TBL1XR1: variants seen among roughly 807,000 people sequenced by gnomAD.
TBL1XR1 encodes F-box-like/WD repeat-containing protein TBL1XR1.
TBL1XR1 carries 5 observed loss-of-function variants against 66.9 expected under a neutral mutation model. The ratio of observed to expected loss-of-function variants is 0.07; its 90% CI spans 0.04 to 0.16. The LOEUF (loss-of-function observed/expected upper bound fraction) is 0.16. Among genes scored for constraint, TBL1XR1 ranks in the 10% least tolerant of loss-of-function variants. TBL1XR1 has a pLI of 1.00. For synonymous variants in TBL1XR1, 210 were observed against 206.0 expected, an observed-to-expected ratio of 1.02 and a Z score of -0.17; for missense variants, 238 against 623.2, an observed-to-expected ratio of 0.38 and a Z score of 6.58.
intron 3 of TBL1XR1, among the ~76,000 whole-genome samples, chr3:177,054,447 G>T (rs955447213): frequency 3.3e-5 from 5 of 152,096 alleles, no homozygotes; most frequent in African/African-American, 1.2e-4. Context: ...CTTTAAATAG[G>T]AATTCATTCA....
chr3:177,036,929 CATTT>C (rs1455460022), intron 12 of TBL1XR1, among the ~76,000 whole-genome samples: 1 of 152,170 alleles, frequency 6.6e-6, no homozygotes, highest in Non-Finnish European at 1.5e-5. Context: ...CTCAAAGCTT[CATTT>C]ATTTTGGAAA....
At chr3:177,160,315 A>T (rs112179132) in intron 1 of TBL1XR1, among the ~76,000 whole-genome samples, 6 of 151,992 alleles carry the variant, frequency 3.9e-5, no homozygotes, top group African/African-American at 1.5e-4. Context: ...TCTACTAAAA[A>T]TACAAAAAAT....
intron 2 of TBL1XR1, among the ~76,000 whole-genome samples, chr3:177,070,754 G>C (rs1719869935): frequency 6.6e-6 from 1 of 151,964 alleles, no homozygotes; most frequent in African/African-American, 2.4e-5. Flanking sequence ...GCTGAGATGG[G>C]AGAATCGCTT....
chr3:177,034,035 A>G (rs540239442), intron 13 of TBL1XR1, among the ~76,000 whole-genome samples, 163 bp downstream of exon 13: 17 of 151,960 alleles, frequency 1.1e-4, no homozygotes, highest in African/African-American at 4.1e-4. Flanking sequence ...TAAAGAATTT[A>G]TTCTTGTAGC....
At chr3:177,133,774 C>T (rs1396798103) in intron 1 of TBL1XR1, among the ~76,000 whole-genome samples, 6 of 149,670 alleles carry the variant, frequency 4.0e-5, no homozygotes, top group Admixed American at 2.7e-4. Flanking sequence ...TGGTGGCACA[C>T]ACCTGTAAGC....
intron 1 of TBL1XR1, among the ~76,000 whole-genome samples, chr3:177,195,282 C>A (rs1486166625): frequency 6.6e-6 from 1 of 151,988 alleles, no homozygotes; most frequent in Non-Finnish European, 1.5e-5. Context: ...TGCTCTCAGG[C>A]ATACTTTCTT....
At chr3:177,046,898 A>G (rs1716403581) in intron 9 of TBL1XR1, among the ~76,000 whole-genome samples, 1 of 152,164 alleles carries the variant, frequency 6.6e-6, no homozygotes, top group Admixed American at 6.6e-5. Context: ...TTAGACAAAG[A>G]AGGCTAGACA....
chr3:177,111,399 A>G (rs1339272278), intron 1 of TBL1XR1, among the ~76,000 whole-genome samples: 1 of 151,836 alleles, frequency 6.6e-6, no homozygotes, highest in Non-Finnish European at 1.5e-5. Context: ...CAGCCTCCCG[A>G]GTAGCTGGGA....
At chr3:177,058,925 G>GA (rs533582534) in intron 3 of TBL1XR1, among the ~76,000 whole-genome samples, 10 of 150,608 alleles carry the variant, frequency 6.6e-5, no homozygotes, top group Non-Finnish European at 1.2e-4. Context: ...ACTTATTTGG[G>GA]AAAAAAAAAG....
chr3:177,149,175 G>C (rs544986799), intron 1 of TBL1XR1, among the ~76,000 whole-genome samples: 2 of 152,312 alleles, frequency 1.3e-5, no homozygotes, highest in East Asian at 3.9e-4. Context: ...TTGCAATGCG[G>C]AGTACCTGTC....
chr3:177,073,177 A>C (rs1720266988), intron 2 of TBL1XR1, among the ~76,000 whole-genome samples: 2 of 152,234 alleles, frequency 1.3e-5, no homozygotes, highest in Non-Finnish European at 2.9e-5. Flanking sequence ...TGAGATCATC[A>C]ATAAATTAAG....
At chr3:177,073,462 A>G (rs1183258939) in intron 2 of TBL1XR1, among the ~76,000 whole-genome samples, 1 of 152,272 alleles carries the variant, frequency 6.6e-6, no homozygotes, top group Non-Finnish European at 1.5e-5. Context: ...TAGTTTTGAT[A>G]TAACACATGG....
intron 10 of TBL1XR1, chr3:177,045,144 C>G (rs934198839): frequency 6.6e-6 from 1 of 152,010 alleles, no homozygotes; most frequent in African/African-American, 2.4e-5. Context: ...GAAAAAAAAG[C>G]AAAATGCCTG....
At chr3:177,164,082 C>G (rs1481817276) in intron 1 of TBL1XR1, 1 of 152,180 alleles carries the variant, frequency 6.6e-6, no homozygotes, top group East Asian at 1.9e-4. Flanking sequence ...ATTATACGCC[C>G]TTCTTAACAC....
At chr3:177,043,774 C>T (rs974773794) in intron 10 of TBL1XR1, among the ~76,000 whole-genome samples, 1 of 151,844 alleles carries the variant, frequency 6.6e-6, no homozygotes, top group Admixed American at 6.6e-5. Context: ...GTATTTCTAC[C>T]TTCATTTGGA....
At chr3:177,055,961 GA>G (rs1328184612) in intron 3 of TBL1XR1, among the ~76,000 whole-genome samples, 3 of 152,140 alleles carry the variant, frequency 2.0e-5, no homozygotes, top group Non-Finnish European at 2.9e-5. Flanking sequence ...AGAAAGTACA[GA>G]TTCAAATTCA....
chr3:177,099,007 T>C (rs1723850869), intron 1 of TBL1XR1, among the ~76,000 whole-genome samples: 1 of 152,228 alleles, frequency 6.6e-6, no homozygotes, highest in East Asian at 1.9e-4. Context: ...ATAGGGCTTA[T>C]CCAGTTTTCT....
At chr3:177,158,234 T>C (rs1430280480) in intron 1 of TBL1XR1, among the ~76,000 whole-genome samples, 18 of 150,724 alleles carry the variant, frequency 1.2e-4, no homozygotes, top group East Asian at 1.9e-4. Flanking sequence ...CTTTTCTTTT[T>C]TTTTTTTTTT....
At chr3:177,155,652 G>A (rs1014133524) in intron 1 of TBL1XR1, among the ~76,000 whole-genome samples, 26 of 152,128 alleles carry the variant, frequency 1.7e-4, no homozygotes, top group Admixed American at 5.9e-4. Flanking sequence ...GAAATGGTAC[G>A]AAAACAACTG....
Sources: gnomAD v4.1 joint callset for allele counts (sites outside exome capture counted in the v4.1 genomes callset) on GRCh38, gnomAD v4.1.1 for gene constraint, MANE v1.5 for transcripts, NCBI Gene and HGNC (gene_info 2026-07-23, HGNC 2026-07-21) for gene names.